DNA2: variants seen among roughly 807,000 people sequenced by gnomAD.
DNA2 encodes DNA replication helicase/nuclease 2.
Under a neutral mutation model 119.1 loss-of-function variants are expected in DNA2, and 101 were observed. The observed-to-expected ratio is 0.85, with a 90% CI of 0.72 to 1.00. The LOEUF (loss-of-function observed/expected upper bound fraction) is 1.00, where lower values mean the gene tolerates loss of function less well. DNA2 is among the 50% of genes least tolerant of loss of function. The pLI, the probability that DNA2 is intolerant of heterozygous loss-of-function variation, is 0.00. For missense variants in DNA2, 1,121 were observed against 1,255.5 expected, an observed-to-expected ratio of 0.89 and a Z score of 1.62; for synonymous variants, 366 against 424.4, an observed-to-expected ratio of 0.86 and a Z score of 1.69.
chr10:68,434,709 C>G (rs2051865522), intron 10 of DNA2, among the ~76,000 whole-genome samples: 1 of 152,036 alleles, frequency 6.6e-6, no homozygotes, highest in South Asian at 2.1e-4. Context: ...CAAGGATTTG[C>G]AAAGTGCTTA....
chr10:68,429,713 AAAAAAAAAAAAAAAAAAAG>A (rs2051792534), intron 14 of DNA2, among the ~76,000 whole-genome samples: 1 of 87,254 alleles, frequency 1.1e-5, no homozygotes, highest in African/African-American at 8.6e-5. Context: ...CTCCATCTCA[AAAAAAAAAAAAAAAAAAAG>A]AAAAAAAAAT....
At chr10:68,471,546 A>T (rs2052380942) in intron 1 of DNA2, among the ~76,000 whole-genome samples, 1 of 152,078 alleles carries the variant, frequency 6.6e-6, no homozygotes, top group South Asian at 2.1e-4. Flanking sequence ...TTAGGGAGAG[A>T]GGTGAAATCA....
At chr10:68,440,132 C>T (rs1247994310) in intron 9 of DNA2, among the ~76,000 whole-genome samples, 1 of 151,772 alleles carries the variant, frequency 6.6e-6, no homozygotes, top group East Asian at 2.0e-4. Context: ...GGCAAAACCC[C>T]GTCTCTACTA....
At position 68,471,796 on chromosome 10, in the gene DNA2, C is replaced by T. The variant is rs2052385218; in HGVS notation, c.69G>A (p.Ala23=). 3.1e-6 allele frequency: 5 copies of T among 1,599,548 alleles called. No individual in the cohort carries two copies. The East Asian group carries it at 1.1e-4, about 36-fold the overall frequency. The change falls in exon 1 of 21, where the codon GCG becomes GCA. Residue 23 remains alanine (A), a synonymous_variant. Coordinates refer to ENST00000358410, the MANE Select transcript of DNA2 (RefSeq NM_001080449.3). ...KSFWEEAELP[A]ELFQKKVVAS... Reference sequence around the variant, plus strand: ...CCTCCCCCCTCTCCGCTCACAGCTCCGCCGGCAGCTCCGCCTCCTCCCAAA... The same window carrying T: ...CCTCCCCCCTCTCCGCTCACAGCTCTGCCGGCAGCTCCGCCTCCTCCCAAA...
At chr10:68,461,724 A>G (rs1674194946) in intron 4 of DNA2, among the ~76,000 whole-genome samples, 1 of 149,892 alleles carries the variant, frequency 6.7e-6, no homozygotes, top group African/African-American at 2.4e-5. Context: ...GCTACTCGGG[A>G]GGCTGAGGCA....
At chr10:68,439,702 T>C (rs900525695) in intron 9 of DNA2, among the ~76,000 whole-genome samples, 1 of 151,790 alleles carries the variant, frequency 6.6e-6, no homozygotes, top group Non-Finnish European at 1.5e-5. Context: ...CCTGGCGTGG[T>C]GGCCCATGCC....
intron 8 of DNA2, 49 bp from the exon 9 acceptor site, chr10:68,443,160 C>T (rs201638927): frequency 6.8e-7 from 1 of 1,478,606 alleles, no homozygotes; most frequent in Non-Finnish European, 9.1e-7. Context: ...ATTTCCCTGG[C>T]TGGGTACGAA....
At chr10:68,435,323 A>G (rs2051873704) in intron 10 of DNA2, among the ~76,000 whole-genome samples, 1 of 152,020 alleles carries the variant, frequency 6.6e-6, no homozygotes, top group Admixed American at 6.6e-5. Flanking sequence ...TGCTAGGATT[A>G]CAGGCGTGCA....
chr10:68,442,647 A>G (rs1326664051), intron 9 of DNA2, among the ~76,000 whole-genome samples: 1 of 152,196 alleles, frequency 6.6e-6, no homozygotes, highest in Non-Finnish European at 1.5e-5. Context: ...TCGGCCTCCC[A>G]AAGAAAAGTA....
At chr10:68,419,301 T>G (rs2051635486) in intron 18 of DNA2, 88 bp from the exon 19 acceptor site, 2 of 1,029,072 alleles carry the variant, frequency 1.9e-6, no homozygotes, top group Non-Finnish European at 2.7e-6. Flanking sequence ...TTACATTATG[T>G]GCCCAACTGA....
intron 14 of DNA2, among the ~76,000 whole-genome samples, chr10:68,429,498 G>C (rs925860358): frequency 6.7e-6 from 1 of 150,196 alleles, no homozygotes; most frequent in Non-Finnish European, 1.5e-5. Context: ...GAGCTGAGAT[G>C]GCGCCATTGC....
At chr10:68,426,410 T>A (rs1040046719) in intron 14 of DNA2, among the ~76,000 whole-genome samples, 1 of 151,992 alleles carries the variant, frequency 6.6e-6, no homozygotes, top group Admixed American at 6.6e-5. Context: ...TGGTGGCTCA[T>A]GCCTGTAGTC....
At chr10:68,430,699 C>T (rs1177377470) in intron 13 of DNA2, 39 bp from the exon 14 acceptor site, 3 of 1,354,126 alleles carry the variant, frequency 2.2e-6, no homozygotes, top group Non-Finnish European at 3.0e-6. Context: ...AACAGCCTTA[C>T]TTTTAATTCC....
intron 9 of DNA2, among the ~76,000 whole-genome samples, chr10:68,439,934 G>C (rs1490302133): frequency 6.6e-6 from 1 of 152,134 alleles, no homozygotes; most frequent in South Asian, 2.1e-4. Flanking sequence ...GAACCCGGGA[G>C]GCAGAGGTTG....
At chr10:68,424,595 C>A in intron 14 of DNA2, 1 of 1,287,948 alleles carries the variant, frequency 7.8e-7, no homozygotes, top group Non-Finnish European at 1.1e-6. Flanking sequence ...TGGACCGCAG[C>A]AAAAACCGCA....
chr10:68,465,629 A>G, intron 4 of DNA2, 38 bp downstream of exon 4: 1 of 1,449,502 alleles, frequency 6.9e-7, no homozygotes, highest in East Asian at 2.3e-5. Flanking sequence ...AAGTTATATA[A>G]TAAAATTATA....
chr10:68,421,604 T>C (rs974222026), intron 17 of DNA2, among the ~76,000 whole-genome samples: 11 of 151,504 alleles, frequency 7.3e-5, no homozygotes, highest in African/African-American at 2.4e-4. Context: ...AAATACAAAA[T>C]TAGTCTGGTG....
At chr10:68,457,260 C>T (rs2052197256) in intron 5 of DNA2, among the ~76,000 whole-genome samples, 1 of 152,172 alleles carries the variant, frequency 6.6e-6, no homozygotes, top group African/African-American at 2.4e-5. Flanking sequence ...TCTCCTACTG[C>T]ACTTTGCTCT....
rs1462520717 is a variant in DNA2 at position 68,419,156 on chromosome 10, T to G, written c.2845A>C (p.Ile949Leu). Residue 949 changes from isoleucine (I) to leucine (L), a missense_variant, in exon 19 of 21, where the codon ATC (isoleucine) becomes CTC (leucine). Physicochemically the swap from Ile to Leu is conservative, Grantham distance 5 (BLOSUM62 2). Transcript: ENST00000358410. Reference sequence around the variant, plus strand: ...GAACGTGCCAATAAATCATTGATGATCTTTAATTGCTGCCTGTACGGTGCA... The same window carrying G: ...GAACGTGCCAATAAATCATTGATGAGCTTTAATTGCTGCCTGTACGGTGCA... ...IIAPYRQQLK[I>L]INDLLARSIG... 2.5e-6 allele frequency: 4 copies of G among 1,613,422 alleles called. No homozygotes were observed. Among genetic ancestry groups the G allele is most frequent in the Non-Finnish European group, 3.4e-6 (4 of 1,179,718 alleles).
Sources: gnomAD v4.1 joint callset for allele counts (sites outside exome capture counted in the v4.1 genomes callset) on GRCh38, gnomAD v4.1.1 for gene constraint, MANE v1.5 for transcripts, NCBI Gene and HGNC (gene_info 2026-07-23, HGNC 2026-07-21) for gene names.